Variants in NEB observed in about 807,000 individuals in gnomAD.
NEB encodes nemaline myopathy type 2.
In NEB, 512 loss-of-function variants were observed where a neutral mutation model predicts 952.2. The observed-to-expected ratio is 0.54, with a 90% CI of 0.50 to 0.58. The LOEUF (loss-of-function observed/expected upper bound fraction) is 0.58. Among genes scored for constraint, NEB ranks in the 20% least tolerant of loss-of-function variants. The pLI is 0.00. For synonymous variants in NEB, 2,900 were observed against 3,149.8 expected, an observed-to-expected ratio of 0.92 and a Z score of 2.66; for missense variants, 8,428 against 9,231.1, an observed-to-expected ratio of 0.91 and a Z score of 3.56.
Position 151,493,789 on chromosome 2 carries a change from C to T in NEB, c.24658G>A (p.Glu8220Lys). ...TTCTAAAATACCGAGCTAAAGTTTT[C>T]TTGATTGCGTTTCACTCTTTCCATC... Reference protein sequence around the residue: ...PEMERVKRNQENFSSVLYKEN... With the variant: ...PEMERVKRNQKNFSSVLYKEN... Residue 8220 changes from glutamate to lysine, a missense_variant, in exon 175 of 182, where the codon GAA becomes AAA. By Grantham distance (56) the Glu-to-Lys change is moderately conservative. Around this residue, in one of 11 missense-constraint regions of NEB, gnomAD observed 3,374 missense variants for 3,651.5 expected, o/e 0.92. Coordinates refer to ENST00000397345, the MANE Select transcript of NEB (RefSeq NM_001164508.2). 6.3e-7 allele frequency: 1 copy of T among 1,578,292 alleles called. No individual in the cohort carries two copies. Among genetic ancestry groups the T allele is most frequent in the Non-Finnish European group, 8.6e-7 (1 of 1,159,270 alleles).
At chr2:151,546,109 T>G in intron 134 of NEB, 111 bp from the exon 135 acceptor site, 1 of 778,630 alleles carries the variant, frequency 1.3e-6, no homozygotes, top group South Asian at 1.7e-5. Context: ...GGCTTTCATG[T>G]GTCCTGGATG....
rs370385896 is a variant in NEB at position 151,639,811 on chromosome 2, T to C, written c.8889+46A>G. 54 of 1,486,402 alleles carry C rather than the reference T, an allele frequency of 3.6e-5. No homozygotes were observed. The East Asian group carries it at 1.2e-3, about 32-fold the overall frequency. 92.1% of individuals were successfully genotyped at this position (1,486,402 alleles called of 1,614,324 possible). ...CTCATTAATGTTTCTTTTTTGTTGA[T>C]TCAGCTTTAGGAGCCCCACTTCGAT... On this transcript the variant is annotated intron_variant, in intron 62 of 181. Coordinates refer to ENST00000397345, the MANE Select transcript of NEB (RefSeq NM_001164508.2).
intron 25 of NEB, among the ~76,000 whole-genome samples, chr2:151,688,072 G>T (rs948942943): frequency 6.6e-6 from 1 of 152,130 alleles, no homozygotes; most frequent in African/African-American, 2.4e-5. Flanking sequence ...AATAGTAGAC[G>T]GGTAATTGGA....
In NEB at chr2:151,717,441, T is replaced by C. The variant is rs2099762168; in HGVS notation, c.797A>G (p.Lys266Arg). The change falls in exon 10 of 182, where the codon AAG (lysine) becomes AGG (arginine). Residue 266 changes from lysine (K) to arginine (R), a missense_variant. Around this residue, in one of 11 missense-constraint regions of NEB, gnomAD observed 2,851 missense variants for 2,791.5 expected, o/e 1.02. Coordinates refer to ENST00000397345, the MANE Select transcript of NEB (RefSeq NM_001164508.2). ...CTTGCTCACTTGATTGGTTACTTTC[T>C]TGGCAAATTCTATATCTGGAGGATC... ...LADPPDIEFAKKVTNQVSKQK... is the reference protein window; with the variant it reads ...LADPPDIEFARKVTNQVSKQK... 6.2e-7 allele frequency: 1 copy of C among 1,613,834 alleles called. No homozygotes were observed. The highest frequency in any genetic ancestry group is 8.5e-7 in the Non-Finnish European group (1 of 1,179,714).
At chr2:151,611,234 T>C (rs1192984002) in intron 78 of NEB, among the ~76,000 whole-genome samples, 2 of 152,172 alleles carry the variant, frequency 1.3e-5, no homozygotes, top group African/African-American at 2.4e-5. Context: ...CAAACCCAAC[T>C]CTACTATTTC....
Position 151,666,318 on chromosome 2 carries a change from G to A in NEB, c.4803C>T (p.His1601=), listed in dbSNP as rs771278131. 1.9e-6 allele frequency: 3 copies of A among 1,613,888 alleles called. No homozygotes were observed. Among genetic ancestry groups the A allele is most frequent in the East Asian group, 2.2e-5 (1 of 44,858 alleles). ...ACTGGATTTTGGCCACATTCATGTA[G>A]TGAACCAGTTTAGGATCATCCTGAA... is the stretch of plus-strand genomic sequence containing the variant. ...LSLQDDPKLV[H]YMNVAKIQSD... is the part of the protein sequence containing the mutation. The change falls in exon 41 of 182, where the codon CAC becomes CAT. Residue 1601 remains histidine, a synonymous_variant. Coordinates refer to ENST00000397345, the MANE Select transcript of NEB (RefSeq NM_001164508.2).
Position 151,655,895 on chromosome 2 carries a change from C to T in NEB, c.6624G>A (p.Pro2208=), listed in dbSNP as rs373278622. Residue 2208 remains proline (P), a synonymous_variant, in exon 50 of 182, where the codon CCG becomes CCA. Coordinates refer to ENST00000397345, the MANE Select transcript of NEB (RefSeq NM_001164508.2). ...YASDQKYRQH[P]SNFQFKKLTD... is the part of the protein sequence containing the mutation. ...TCAGCTTCTTAAACTGGAAGTTGCTCGGGTGCTGGCGGTATTTCTGATCAC... is the reference window on the plus strand; with the variant it reads ...TCAGCTTCTTAAACTGGAAGTTGCTTGGGTGCTGGCGGTATTTCTGATCAC... 1.5e-4 allele frequency: 244 copies of T among 1,613,630 alleles called. No homozygotes were observed. The highest frequency in any genetic ancestry group is 2.0e-4 in the Non-Finnish European group (232 of 1,179,800).
chr2:151,567,663 A>G (rs1369297547), intron 113 of NEB, among the ~76,000 whole-genome samples, 184 bp from the exon 114 acceptor site: 2 of 152,174 alleles, frequency 1.3e-5, no homozygotes, highest in Non-Finnish European at 2.9e-5. Context: ...ACCCATTTAA[A>G]AATAGAAAAA....
chr2:151,576,015 C>T (rs1392944383), intron 106 of NEB, 136 bp downstream of exon 106: 1 of 761,826 alleles, frequency 1.3e-6, no homozygotes, highest in Non-Finnish European at 2.1e-6. Context: ...ATAAGCAAAC[C>T]AAGACAATAC....
At chr2:151,547,305 G>A (rs529869416) in intron 133 of NEB, 124 bp downstream of exon 133, 1 of 712,136 alleles carries the variant, frequency 1.4e-6, no homozygotes, top group South Asian at 1.8e-5. Flanking sequence ...CCTCCAACTT[G>A]TACTCTTTGT....
chr2:151,552,909 C>T, intron 127 of NEB, 133 bp from the exon 128 acceptor site: 1 of 623,318 alleles, frequency 1.6e-6, no homozygotes, highest in Non-Finnish European at 2.9e-6. Context: ...GACCGAGATG[C>T]ATTTGAATTT....
intron 153 of NEB, among the ~76,000 whole-genome samples, chr2:151,521,844 G>GTTCA (rs1259569537): frequency 1.3e-5 from 2 of 152,162 alleles, no homozygotes; most frequent in Non-Finnish European, 2.9e-5. Flanking sequence ...ATGAATCTGA[G>GTTCA]TTCAGCACTT....
intron 147 of NEB, among the ~76,000 whole-genome samples, chr2:151,527,227 T>A (rs2153460640): frequency 6.6e-6 from 1 of 152,136 alleles, no homozygotes; most frequent in South Asian, 2.1e-4. Flanking sequence ...CCATCCCCAG[T>A]CTTCCCCCAG....
intron 158 of NEB, 109 bp downstream of exon 158, chr2:151,514,709 G>GA (rs747014548): frequency 1.3e-4 from 106 of 804,660 alleles, no homozygotes; most frequent in Admixed American, 3.9e-4. Flanking sequence ...AACCCAATTT[G>GA]AAACCCACAG....
rs554251472 is a variant in NEB, at chr2:151,704,823, C to A, written c.1152+2058G>T. ...AAATGCAGAAATCACCCGTCTTCTG[C>A]GTCGCTCGCTCACGCTGGGAGCTGT... On this transcript the variant is annotated intron_variant, in intron 13 of 181. Coordinates refer to ENST00000397345, the MANE Select transcript of NEB (RefSeq NM_001164508.2). Among the ~76,000 whole-genome samples the A allele has an allele frequency of 1.1e-4, 17 of 152,320 alleles. No individual in the cohort carries two copies. The South Asian group carries it at 3.5e-3, about 32-fold the overall frequency.
At chr2:151,630,032 A>G (rs186594907) in intron 67 of NEB, among the ~76,000 whole-genome samples, 173 of 152,228 alleles carry the variant, frequency 1.1e-3, no homozygotes, top group African/African-American at 4.0e-3. Flanking sequence ...TTTAATATCT[A>G]TCTATACGTA....
intron 29 of NEB, 120 bp from the exon 30 acceptor site, chr2:151,680,948 A>G (rs2148657541): frequency 1.3e-6 from 1 of 794,762 alleles, no homozygotes; most frequent in African/African-American, 1.7e-5. Context: ...TTAAAATGCA[A>G]AAACACTAGA....
chr2:151,611,858 C>T (rs531768201), intron 78 of NEB, among the ~76,000 whole-genome samples: 8 of 152,274 alleles, frequency 5.3e-5, no homozygotes, highest in Non-Finnish European at 7.4e-5. Context: ...GCTAAAGACA[C>T]GTAAGTGGCC....
chr2:151,519,170 G>A (rs2080217412), intron 154 of NEB, 101 bp from the exon 155 acceptor site: 3 of 792,856 alleles, frequency 3.8e-6, no homozygotes, highest in Non-Finnish European at 6.5e-6. Flanking sequence ...AAATGCTGGA[G>A]ATGGTGATGA....
Sources: allele counts gnomAD v4.1 joint callset (sites outside exome capture counted in the v4.1 genomes callset), GRCh38; gene constraint gnomAD v4.1.1; regional missense constraint gnomAD v4.1.1; transcripts MANE v1.5; gene names NCBI Gene and HGNC (gene_info 2026-07-23, HGNC 2026-07-21).